Variants in PTPN13 observed in about 807,000 individuals in gnomAD.
PTPN13 encodes protein tyrosine phosphatase non-receptor type 13.
In PTPN13, 191 loss-of-function variants were observed where a neutral mutation model predicts 284.0. The ratio of observed to expected loss-of-function variants is 0.67; its 90% confidence interval spans 0.60 to 0.76. The LOEUF (loss-of-function observed/expected upper bound fraction) is 0.76, where lower values mean the gene tolerates loss of function less well. Among genes scored for constraint, PTPN13 ranks in the 30% least tolerant of loss-of-function variants. The probability of loss-of-function intolerance (pLI) is 0.00; values close to 1 mark genes in which losing one functional copy is unlikely to be tolerated. For missense variants in PTPN13, 2,797 were observed against 2,939.9 expected (o/e 0.95, Z 1.12); for synonymous variants, 986 against 1,022.3 (o/e 0.96, Z 0.68).
intron 7 of PTPN13, among the ~76,000 whole-genome samples, chr4:86,702,859 G>A (rs956753017): frequency 1.3e-5 from 2 of 152,018 alleles, no homozygotes; most frequent in Admixed American, 6.5e-5. Flanking sequence ...GATCTTTCTA[G>A]TTCAAAGAAA....
At chr4:86,739,447 G>A (rs1735908108) in intron 15 of PTPN13, among the ~76,000 whole-genome samples, 1 of 152,128 alleles carries the variant, frequency 6.6e-6, no homozygotes, top group Non-Finnish European at 1.5e-5. Flanking sequence ...CTTGTACAGG[G>A]AAACTCCCCT....
chr4:86,802,449 A>T (rs1286171004), intron 42 of PTPN13, among the ~76,000 whole-genome samples: 1 of 152,166 alleles, frequency 6.6e-6, no homozygotes, highest in Non-Finnish European at 1.5e-5. Flanking sequence ...CCTTATCAAA[A>T]ATTTTTAAAC....
Position 86,616,675 on chromosome 4 carries a change from T to C in PTPN13, c.-5-18577T>C, listed in dbSNP as rs201811072. Among the ~76,000 whole-genome samples, 22 of 152,250 alleles carry C rather than the reference T, an allele frequency of 1.4e-4. No homozygotes were observed. In the East Asian group the frequency reaches 4.2e-3, roughly 29 times the overall value. Reference sequence around the variant, plus strand: ...GTGACACCTCCCCACCCACTCTTTCTCTCCCTTGCTCCTGCTTTCACCATG... The same window carrying C: ...GTGACACCTCCCCACCCACTCTTTCCCTCCCTTGCTCCTGCTTTCACCATG... On this transcript the variant is annotated intron_variant, in intron 1 of 47. Coordinates refer to ENST00000411767, the MANE Select transcript of PTPN13 (RefSeq NM_080683.3).
chr4:86,604,749 C>A (rs1266677759), intron 1 of PTPN13, among the ~76,000 whole-genome samples: 1 of 151,790 alleles, frequency 6.6e-6, no homozygotes, highest in African/African-American at 2.4e-5. Context: ...TCCTTTGTTT[C>A]TTGTGTAAAC....
intron 2 of PTPN13, among the ~76,000 whole-genome samples, chr4:86,666,308 T>C (rs1414169835): frequency 1.7e-3 from 1 of 594 alleles, no homozygotes; most frequent in Non-Finnish European, 2.9e-3. Flanking sequence ...GTTCGTAGAC[T>C]TGCATTAAGG....
In PTPN13 at chr4:86,594,681, G is replaced by C. The variant is rs1205630225; in HGVS notation, c.-114G>C. The C allele has an allele frequency of 6.6e-6, 1 of 152,348 alleles. No individual in the cohort carries two copies. Among genetic ancestry groups the C allele is most frequent in the African/African-American group, 2.4e-5 (1 of 41,434 alleles). 9.4% of individuals were successfully genotyped at this position (152,348 alleles called of 1,614,324 possible). On this transcript the variant is annotated 5_prime_UTR_variant, in exon 1 of 48. Transcript: ENST00000411767. The stretch of plus-strand genomic sequence containing the variant: ...CCCGCAGCCGCTTGTGGGAGAAGTG[G>C]TGGTGGCTCTCGGCGCCCGCGGCGG...
Position 86,772,793 on chromosome 4 carries a change from A to C in PTPN13, c.5184A>C (p.Leu1728=), listed in dbSNP as rs1740152857. 1 of 1,604,694 alleles carries C rather than the reference A, an allele frequency of 6.2e-7. No individual in the cohort carries two copies. The highest frequency in any genetic ancestry group is 8.5e-7 in the Non-Finnish European group (1 of 1,176,954). ...PEFEDSNPSP[L]PPDMAPGQSY... ...GTCTCTGTAGTAATCCTTCCCCTCT[A>C]CCACCGGATATGGCTCCTGGGCAGA... Residue 1728 remains leucine (L), a synonymous_variant, in exon 32 of 48, where the codon CTA becomes CTC. Transcript: ENST00000411767.
chr4:86,640,152 A>G lies in PTPN13; in HGVS notation c.115+4781A>G, dbSNP rs189306796. ...TTGTGAAAAAACAGTGTTAGGGCCCACACATCAGTGCTATAACCTTTATGT... is the reference window on the plus strand; with the variant it reads ...TTGTGAAAAAACAGTGTTAGGGCCCGCACATCAGTGCTATAACCTTTATGT... On this transcript the variant is annotated intron_variant, in intron 2 of 47. Coordinates refer to ENST00000411767, the MANE Select transcript of PTPN13 (RefSeq NM_080683.3). 3.4e-3 allele frequency among the ~76,000 whole-genome samples: 514 copies of G among 152,280 alleles called. 1 individual carries two copies. Among genetic ancestry groups the G allele is most frequent in the African/African-American group, 0.012 (495 of 41,558 alleles).
chr4:86,807,535 C>G (rs759409734), intron 44 of PTPN13, 25 bp from the exon 45 acceptor site: 1 of 1,550,952 alleles, frequency 6.4e-7, no homozygotes, highest in South Asian at 1.2e-5. Flanking sequence ...ATGGATGGCT[C>G]TGTTTTGTGG....
rs150107231 is a variant in PTPN13 at position 86,804,444 on chromosome 4, G to C, written c.6654+587G>C. Among the ~76,000 whole-genome samples the C allele has an allele frequency of 1.7e-4, 26 of 152,236 alleles. No homozygotes were observed. In the East Asian group the frequency reaches 5.0e-3, roughly 29 times the overall value. On this transcript the variant is annotated intron_variant, in intron 43 of 47. Transcript: ENST00000411767. ...TAATAAGAGGTTCTGCTTTGTGCTT[G>C]TTGCTTTGTATATATTCCTCAAAAT... is the stretch of plus-strand genomic sequence containing the variant.
chr4:86,705,158 A>G (rs1011169191), intron 7 of PTPN13, among the ~76,000 whole-genome samples: 1 of 151,994 alleles, frequency 6.6e-6, no homozygotes, highest in Non-Finnish European at 1.5e-5. Flanking sequence ...ACACGGTGAA[A>G]CCCCATCTCT....
At chr4:86,653,533 T>C (rs1202373297) in intron 2 of PTPN13, among the ~76,000 whole-genome samples, 5 of 152,016 alleles carry the variant, frequency 3.3e-5, no homozygotes, top group African/African-American at 1.2e-4. Context: ...TTGTTTTTTA[T>C]TAACCATTCA....
intron 30 of PTPN13, 107 bp downstream of exon 30, chr4:86,770,306 C>A: frequency 1.9e-6 from 2 of 1,026,412 alleles, no homozygotes; most frequent in Admixed American, 2.1e-5. Context: ...GGTTTCATAC[C>A]TAGCTACTTG....
intron 15 of PTPN13, among the ~76,000 whole-genome samples, chr4:86,738,111 G>T (rs1232527406): frequency 6.6e-6 from 1 of 150,920 alleles, no homozygotes; most frequent in Non-Finnish European, 1.5e-5. Flanking sequence ...GTTTTTCTTT[G>T]TGCAGATACA....
intron 1 of PTPN13, among the ~76,000 whole-genome samples, chr4:86,626,619 T>C (rs935905117): frequency 4.6e-5 from 7 of 152,066 alleles, no homozygotes; most frequent in African/African-American, 1.4e-4. Context: ...CTTTTATTAG[T>C]GAGAGTGCAA....
chr4:86,625,075 G>T (rs1342040097), intron 1 of PTPN13, among the ~76,000 whole-genome samples: 1 of 152,030 alleles, frequency 6.6e-6, no homozygotes. Context: ...CATGAAACAT[G>T]CTCCTTTCCC....
Position 86,747,887 on chromosome 4 carries a change from G to A in PTPN13, c.2651-2583G>A, listed in dbSNP as rs75300381. 3.9e-3 allele frequency among the ~76,000 whole-genome samples: 595 copies of A among 152,256 alleles called. 9 individuals are homozygous for A. In the South Asian group the frequency reaches 0.053, roughly 14 times the overall value. ...CTAACAAATGTATGCTGCTTCTTTA[G>A]AGTCATAGAATATTGATGCTAGAAA... On this transcript the variant is annotated intron_variant, in intron 17 of 47. Coordinates refer to ENST00000411767, the MANE Select transcript of PTPN13 (RefSeq NM_080683.3).
Position 86,734,363 on chromosome 4 carries a change from G to A in PTPN13, c.1919G>A (p.Trp640Ter). The A allele has an allele frequency of 6.4e-7, 1 of 1,561,588 alleles. No homozygotes were observed. The highest frequency in any genetic ancestry group is 8.7e-7 in the Non-Finnish European group (1 of 1,150,874). Residue 640 changes from tryptophan to a stop codon, truncating the protein, a stop_gained, in exon 13 of 48, where the codon TGG becomes TAG. Transcript: ENST00000411767. LOFTEE classifies it high-confidence loss of function. The stretch of plus-strand genomic sequence containing the variant: ...TTAACCAAAGTGGCCCCAGAGGGAT[G>A]GAAAGAAGAACCAAAGAAAAAGACC... ...LKLTKVAPEGWKEEPKKKTKA... is the reference protein window; with the variant it reads ...LKLTKVAPEG
intron 2 of PTPN13, among the ~76,000 whole-genome samples, chr4:86,670,998 C>A (rs1037637992): frequency 2.0e-5 from 3 of 152,130 alleles, no homozygotes; most frequent in Non-Finnish European, 4.4e-5. Context: ...CTTTGAGGAC[C>A]ATTGGTCTAT....
Sources: gnomAD v4.1 joint callset for allele counts (sites outside exome capture counted in the v4.1 genomes callset) on GRCh38, gnomAD v4.1.1 for gene constraint, MANE v1.5 for transcripts, NCBI Gene and HGNC (gene_info 2026-07-23, HGNC 2026-07-21) for gene names.